The following CABIN1 variants were observed in gnomAD, a reference collection of about 807,000 sequenced individuals.
CABIN1 encodes calcineurin binding protein 1, also known as calcineurin-binding protein cabin-1.
CABIN1 carries 133 observed loss-of-function variants against 227.7 expected under a neutral mutation model. The observed-to-expected ratio is 0.58, with a 90% confidence interval of 0.51 to 0.67. CABIN1 has a LOEUF of 0.67. Among genes scored for constraint, CABIN1 ranks in the 30% least tolerant of loss-of-function variants. The probability of loss-of-function intolerance (pLI) is 0.00; values close to 1 mark genes in which losing one functional copy is unlikely to be tolerated. For synonymous variants in CABIN1, 1,086 were observed against 1,155.1 expected (o/e 0.94, Z 1.21); for missense variants, 2,408 against 2,852.5 (o/e 0.84, Z 3.55).
At chr22:24,016,229 T>C (rs1361311081) in intron 1 of CABIN1, among the ~76,000 whole-genome samples, 1 of 152,232 alleles carries the variant, frequency 6.6e-6, no homozygotes, top group Non-Finnish European at 1.5e-5. Context: ...GGACATTTCA[T>C]GTAAATGGGA....
At chr22:24,062,337 G>A (rs978598233) in intron 13 of CABIN1, among the ~76,000 whole-genome samples, 2 of 149,776 alleles carry the variant, frequency 1.3e-5, no homozygotes, top group African/African-American at 4.9e-5. Context: ...AATTTTTCTG[G>A]TGATACGGAT....
intron 28 of CABIN1, among the ~76,000 whole-genome samples, chr22:24,132,835 A>G (rs1347477711): frequency 6.6e-6 from 1 of 152,112 alleles, no homozygotes; most frequent in East Asian, 1.9e-4. Flanking sequence ...TGATCCACCC[A>G]CCTTGGCCTC....
At chr22:24,164,280 C>T (rs936591807) in intron 29 of CABIN1, 120 bp from the exon 30 acceptor site, 13 of 1,257,588 alleles carry the variant, frequency 1.0e-5, no homozygotes, top group African/African-American at 1.5e-5. Context: ...TCCAAGAAGC[C>T]CCTGGCTGGG....
At position 24,091,633 on chromosome 22, in the gene CABIN1, A is replaced by G. The variant is rs775082838; in HGVS notation, c.3576A>G (p.Thr1192=). The G allele has an allele frequency of 4.3e-6, 7 of 1,614,204 alleles. No homozygotes were observed. The South Asian group carries it at 5.5e-5, about 13-fold the overall frequency. The change falls in exon 24 of 37, where the codon ACA becomes ACG. Residue 1192 remains threonine, a synonymous_variant. Transcript: ENST00000263119. ...TAGAGACAGCCAAGCACTGTTTCAC[A>G]TCAGCAGCCCGCTGCGAGGGTGATG... ...SMLETAKHCF[T]SAARCEGDGD... is the part of the protein sequence containing the mutation.
chr22:24,082,935 T>C (rs1020318627), intron 19 of CABIN1, among the ~76,000 whole-genome samples: 1 of 152,218 alleles, frequency 6.6e-6, no homozygotes, highest in Non-Finnish European at 1.5e-5. Flanking sequence ...GCAAATATCT[T>C]CTTCTGGTGG....
Position 24,166,937 on chromosome 22 carries a change from G to C in CABIN1, c.5306G>C (p.Cys1769Ser), listed in dbSNP as rs1360612831. ...EPMDTSEATV[C>S]HSDLERTPPL... ...ATGGACACGAGTGAGGCCACTGTTT[G>C]CCACTCAGACTTGGAGCGGACACCA... The change falls in exon 32 of 37, where the codon TGC (cysteine) becomes TCC (serine). Residue 1769 changes from cysteine to serine, a missense_variant. Cys to Ser is a moderately radical substitution (Grantham distance 112, BLOSUM62 -1). This residue lies in a region of CABIN1 where 714 missense variants were observed against 773.8 expected (regional missense o/e 0.92). Transcript: ENST00000263119. 6.2e-7 allele frequency: 1 copy of C among 1,602,324 alleles called. No individual in the cohort carries two copies. The highest frequency in any genetic ancestry group is 8.5e-7 in the Non-Finnish European group (1 of 1,175,052).
At chr22:24,111,051 T>G (rs2042781997) in intron 26 of CABIN1, among the ~76,000 whole-genome samples, 1 of 152,234 alleles carries the variant, frequency 6.6e-6, no homozygotes, top group African/African-American at 2.4e-5. Context: ...GTTGGATCAT[T>G]TGGATGCTCT....
In CABIN1 at chr22:24,057,510, C is replaced by T. The variant is rs142389776; in HGVS notation, c.1262+1150C>T. ...TTGTGAGTTTATACCTTTTTTACTC[C>T]TTCGTTGTTACTGGAATGGAGTTTG... On this transcript the variant is annotated intron_variant, in intron 10 of 36. Coordinates refer to ENST00000263119, the MANE Select transcript of CABIN1 (RefSeq NM_012295.4). 2.6e-5 allele frequency among the ~76,000 whole-genome samples: 4 copies of T among 152,260 alleles called. No homozygotes were observed. The East Asian group carries it at 7.7e-4, about 29-fold the overall frequency.
chr22:24,070,060 T>C (rs1308529022), intron 16 of CABIN1, among the ~76,000 whole-genome samples: 2 of 146,080 alleles, frequency 1.4e-5, no homozygotes, highest in African/African-American at 5.1e-5. Context: ...GGTTGTATTC[T>C]AGGCCAAAAA....
chr22:24,161,463 G>A (rs1851508382), intron 29 of CABIN1, among the ~76,000 whole-genome samples: 1 of 152,208 alleles, frequency 6.6e-6, no homozygotes, highest in African/African-American at 2.4e-5. Flanking sequence ...GGCCAGAGCA[G>A]CGGGACCCAG....
chr22:24,164,714 G>C, intron 30 of CABIN1, 151 bp downstream of exon 30: 1 of 957,942 alleles, frequency 1.0e-6, no homozygotes, highest in Admixed American at 2.0e-5. Context: ...GGGCCTCTCT[G>C]TCCCAGTGTC....
chr22:24,106,284 A>G (rs936125198), intron 26 of CABIN1, among the ~76,000 whole-genome samples: 7 of 152,242 alleles, frequency 4.6e-5, no homozygotes, highest in Admixed American at 6.5e-5. Context: ...CCTTGGCTGC[A>G]GGTCTGGTAA....
chr22:24,112,085 A>AT (rs1387878471), intron 26 of CABIN1, among the ~76,000 whole-genome samples: 1 of 152,176 alleles, frequency 6.6e-6, no homozygotes, highest in East Asian at 1.9e-4. Flanking sequence ...TGTAGTACCA[A>AT]TATCTGGGTT....
At chr22:24,022,715 C>T (rs566516038) in intron 1 of CABIN1, among the ~76,000 whole-genome samples, 81 of 152,300 alleles carry the variant, frequency 5.3e-4, no homozygotes, top group African/African-American at 1.9e-3. Context: ...GTGTATGATT[C>T]TTCCAGTTGC....
At chr22:24,152,651 G>A (rs565701947) in intron 29 of CABIN1, among the ~76,000 whole-genome samples, 16 of 152,252 alleles carry the variant, frequency 1.1e-4, no homozygotes, top group South Asian at 2.1e-4. Context: ...TTCTTGCCAC[G>A]GCAAGAAAGG....
chr22:24,117,085 G>T (rs1273909011), intron 27 of CABIN1, among the ~76,000 whole-genome samples: 1 of 152,184 alleles, frequency 6.6e-6, no homozygotes, highest in Non-Finnish European at 1.5e-5. Context: ...GGAAATGGAG[G>T]GCTCTAGTGA....
intron 8 of CABIN1, among the ~76,000 whole-genome samples, chr22:24,051,355 G>A (rs1008999686): frequency 2.0e-5 from 3 of 151,974 alleles, no homozygotes; most frequent in East Asian, 1.9e-4. Flanking sequence ...AGACAGTCCC[G>A]GGTCTGGGCT....
intron 28 of CABIN1, among the ~76,000 whole-genome samples, chr22:24,132,784 C>T (rs1006059100): frequency 6.6e-6 from 1 of 152,130 alleles, no homozygotes; most frequent in Non-Finnish European, 1.5e-5. Context: ...GATGGGGCTT[C>T]TCCATGTTGG....
At chr22:24,061,843 T>C in intron 12 of CABIN1, 104 bp from the exon 13 acceptor site, 1 of 807,636 alleles carries the variant, frequency 1.2e-6, no homozygotes, top group Non-Finnish European at 2.1e-6. Flanking sequence ...GAATTATATT[T>C]TTATCAAAAA....
Sources: gnomAD v4.1 joint callset for allele counts (sites outside exome capture counted in the v4.1 genomes callset) on GRCh38, gnomAD v4.1.1 for gene constraint, gnomAD v4.1.1 regional missense constraint, MANE v1.5 for transcripts, NCBI Gene and HGNC (gene_info 2026-07-23, HGNC 2026-07-21) for gene names.